Variants in VAV2 observed in about 807,000 individuals in gnomAD.
VAV2 encodes guanine nucleotide exchange factor VAV2.
A neutral mutation model predicts 132.5 loss-of-function variants in VAV2; 67 were observed. The observed-to-expected ratio is 0.51, with a 90% CI of 0.42 to 0.62. The LOEUF (loss-of-function observed/expected upper bound fraction) is 0.62, where lower values mean the gene tolerates loss of function less well. Among genes scored for constraint, VAV2 ranks in the 20% least tolerant of loss-of-function variants. VAV2 has a pLI of 0.00. For synonymous variants in VAV2, 492 were observed against 443.5 expected (o/e 1.11, Z -1.37); for missense variants, 938 against 1,153.6 (o/e 0.81, Z 2.71).
chr9:133,848,925 C>T (rs1163923282), intron 3 of VAV2, among the ~76,000 whole-genome samples: 1 of 152,224 alleles, frequency 6.6e-6, no homozygotes, highest in Non-Finnish European at 1.5e-5. Flanking sequence ...ATCTTCTGTT[C>T]CGGGACATTC....
chr9:133,852,064 ATGAG>A (rs1837209092), intron 3 of VAV2, among the ~76,000 whole-genome samples: 1 of 151,892 alleles, frequency 6.6e-6, no homozygotes. Flanking sequence ...GGATGGATAA[ATGAG>A]TGACAGACGG....
chr9:133,824,215 G>T lies in VAV2; in HGVS notation c.449+10057C>A, dbSNP rs1458590297. 1.3e-4 allele frequency among the ~76,000 whole-genome samples: 20 copies of T among 152,112 alleles called. No homozygotes were observed. On this transcript the variant is annotated intron_variant, in intron 4 of 29. Transcript: ENST00000371850. The surrounding 1 kb of genome is among the most constrained non-coding windows in gnomAD (Gnocchi z 5.2). ...TGGCTCTGTTAACAGGGAAGGTGCG[G>T]ACAGGGAGCTCCCGCCCAGCAGTCC... is the stretch of plus-strand genomic sequence containing the variant.
At chr9:133,977,744 C>T (rs1414991985) in intron 1 of VAV2, among the ~76,000 whole-genome samples, 2 of 152,234 alleles carry the variant, frequency 1.3e-5, no homozygotes, top group African/African-American at 4.8e-5. Context: ...ACGCCAACCA[C>T]AGACACGCCA....
chr9:133,973,702 G>C (rs912387924), intron 1 of VAV2, among the ~76,000 whole-genome samples: 1 of 152,210 alleles, frequency 6.6e-6, no homozygotes, highest in Non-Finnish European at 1.5e-5. Context: ...CCCCGCACAA[G>C]GGTGACGCCC....
In VAV2 at chr9:133,896,881, T is replaced by G. The variant is rs186480356; in HGVS notation, c.322-35449A>C. Among the ~76,000 whole-genome samples, 14 of 151,904 alleles carry G rather than the reference T, an allele frequency of 9.2e-5. No homozygotes were observed. In the East Asian group the frequency reaches 2.7e-3, roughly 29 times the overall value. ...AGGCCGAGGCGGGCGGATCACGAGATCAGGAGATCAAGACCATCCTGGCTA... is the reference window on the plus strand; with the variant it reads ...AGGCCGAGGCGGGCGGATCACGAGAGCAGGAGATCAAGACCATCCTGGCTA... On this transcript the variant is annotated intron_variant, in intron 2 of 29. Coordinates refer to ENST00000371850, the MANE Select transcript of VAV2 (RefSeq NM_001134398.2).
At chr9:133,892,171 G>A (rs1440433650) in intron 2 of VAV2, among the ~76,000 whole-genome samples, 1 of 133,662 alleles carries the variant, frequency 7.5e-6, no homozygotes, top group East Asian at 2.4e-4. Context: ...GGCCAGTGGT[G>A]CAGGGGAGGG....
In VAV2 at chr9:133,912,262, C is replaced by T. The variant is rs568979723; in HGVS notation, c.321+26841G>A. On this transcript the variant is annotated intron_variant, in intron 2 of 29. Coordinates refer to ENST00000371850, the MANE Select transcript of VAV2 (RefSeq NM_001134398.2). The surrounding 1 kb of genome is among the most constrained non-coding windows in gnomAD (Gnocchi z 4.3). ...ACAAAACAGACAAACCAGAAACCTA[C>T]GGCATCAGGACACCGTCACCGGAGG... Among the ~76,000 whole-genome samples, 6 of 152,268 alleles carry T rather than the reference C, an allele frequency of 3.9e-5. No individual in the cohort carries two copies. Among genetic ancestry groups the T allele is most frequent in the East Asian group, 1.9e-4 (1 of 5,172 alleles).
chr9:133,882,956 G>C (rs1414868206), intron 2 of VAV2, among the ~76,000 whole-genome samples: 2 of 152,124 alleles, frequency 1.3e-5, no homozygotes, highest in Non-Finnish European at 2.9e-5. Flanking sequence ...GTGACTGCAG[G>C]GACAGGGGTT....
chr9:133,820,964 T>A (rs1416676485), intron 4 of VAV2, among the ~76,000 whole-genome samples: 1 of 152,126 alleles, frequency 6.6e-6, no homozygotes, highest in African/African-American at 2.4e-5. Flanking sequence ...CACATGGCCC[T>A]CCACGCAATC....
At chr9:133,845,780 G>GTGGC (rs1272253934) in intron 3 of VAV2, among the ~76,000 whole-genome samples, 1 of 152,206 alleles carries the variant, frequency 6.6e-6, no homozygotes, top group Non-Finnish European at 1.5e-5. Flanking sequence ...CACACTCCAG[G>GTGGC]TGGCTGATGG....
Position 133,928,505 on chromosome 9 carries a change from G to C in VAV2, c.321+10598C>G, listed in dbSNP as rs1403271630. ...ACGTCTCACTGCCAGCATTAAGGCA[G>C]GGAGTGCAAATGAACTCACCGCAGC... On this transcript the variant is annotated intron_variant, in intron 2 of 29. Transcript: ENST00000371850. The surrounding 1 kb of genome is among the most constrained non-coding windows in gnomAD (Gnocchi z 5.4). 6.6e-6 allele frequency among the ~76,000 whole-genome samples: 1 copy of C among 152,300 alleles called. No homozygotes were observed. The highest frequency in any genetic ancestry group is 2.1e-4 in the South Asian group (1 of 4,832).
At chr9:133,869,829 AACAC>A (rs748444935) in intron 2 of VAV2, among the ~76,000 whole-genome samples, 10 of 152,220 alleles carry the variant, frequency 6.6e-5, no homozygotes, top group Non-Finnish European at 1.2e-4. Context: ...CACATCTGGA[AACAC>A]ACACGCACAC....
At position 133,975,436 on chromosome 9, in the gene VAV2, T is replaced by G. The variant is rs1842473874; in HGVS notation, c.204+16639A>C. ...GCCTCAGAGCCTTACAAAACAGGAT[T>G]AAATAAAACTTGCCAGCCCTGGGCA... On this transcript the variant is annotated intron_variant, in intron 1 of 29. Coordinates refer to ENST00000371850, the MANE Select transcript of VAV2 (RefSeq NM_001134398.2). Among the ~76,000 whole-genome samples the G allele has an allele frequency of 1.3e-5, 2 of 152,160 alleles. 1 individual carries two copies. The highest frequency in any genetic ancestry group is 4.1e-4 in the South Asian group (2 of 4,824).
chr9:133,845,323 C>T (rs1392958669), intron 3 of VAV2, among the ~76,000 whole-genome samples: 1 of 152,220 alleles, frequency 6.6e-6, no homozygotes, highest in Non-Finnish European at 1.5e-5. Flanking sequence ...CCCAAGGCAA[C>T]AAGTTTAAAA....
intron 1 of VAV2, among the ~76,000 whole-genome samples, chr9:133,975,478 C>T (rs1842474561): frequency 6.6e-6 from 1 of 152,270 alleles, no homozygotes; most frequent in African/African-American, 2.4e-5. Context: ...GTCACTCACA[C>T]AAACCCCTCA....
intron 5 of VAV2, 40 bp downstream of exon 5, chr9:133,812,074 G>C: frequency 1.3e-6 from 2 of 1,587,384 alleles, no homozygotes; most frequent in Non-Finnish European, 1.7e-6. Flanking sequence ...CTCTGCGAGG[G>C]AAGGGAGGGG....
Position 133,788,365 on chromosome 9 carries a change from C to G in VAV2, c.1396G>C (p.Asp466His). ...CCGGAAGGCCCCACCTTCTTGACGT[C>G]CTTGTTGTTCATGGGGTCGTCGGTC... ...KMTDDPMNNK[D>H]VKKSHGKMWS... The change falls in exon 15 of 30, where the codon GAC (aspartate) becomes CAC (histidine). Residue 466 changes from aspartate to histidine, a missense_variant. Physicochemically the swap from Asp to His is moderately conservative, Grantham distance 81 (BLOSUM62 -1). Coordinates refer to ENST00000371850, the MANE Select transcript of VAV2 (RefSeq NM_001134398.2). The surrounding 1 kb of genome is among the most constrained non-coding windows in gnomAD (Gnocchi z 5.3). 6.2e-7 allele frequency: 1 copy of G among 1,608,434 alleles called. No homozygotes were observed. The highest frequency in any genetic ancestry group is 8.5e-7 in the Non-Finnish European group (1 of 1,175,272).
intron 2 of VAV2, among the ~76,000 whole-genome samples, chr9:133,870,587 G>A (rs887475549): frequency 2.0e-5 from 3 of 152,180 alleles, no homozygotes; most frequent in African/African-American, 7.2e-5. Flanking sequence ...GCAGGAGTCT[G>A]AGAGACCACC....
In VAV2 at chr9:133,792,687, C is replaced by T. The variant is rs1264045957; in HGVS notation, c.1102-818G>A. 3.3e-5 allele frequency among the ~76,000 whole-genome samples: 4 copies of T among 120,530 alleles called. No homozygotes were observed. The South Asian group carries it at 9.9e-4, about 30-fold the overall frequency. 79.1% of individuals were successfully genotyped at this position (120,530 alleles called of 152,430 possible). On this transcript the variant is annotated intron_variant, in intron 12 of 29. Transcript: ENST00000371850. ...GCTCAGCCCCCAAGGGACCCCCCCC[C>T]CCACCCCCCACCCAGCATCCAGGCA...
Sources: allele counts gnomAD v4.1 joint callset (sites outside exome capture counted in the v4.1 genomes callset), GRCh38; gene constraint gnomAD v4.1.1; non-coding constraint Gnocchi (gnomAD v3.1); transcripts MANE v1.5; gene names NCBI Gene and HGNC (gene_info 2026-07-23, HGNC 2026-07-21).